The following VPS13B variants were observed in gnomAD, a reference collection of about 807,000 sequenced individuals.
The protein encoded by VPS13B is vacuolar protein sorting 13 homolog B.
Under a neutral mutation model 426.4 loss-of-function variants are expected in VPS13B, and 285 were observed. That is an observed-to-expected ratio of 0.67 (90% CI 0.61 to 0.74). The LOEUF is 0.74. Among genes scored for constraint, VPS13B ranks in the 30% least tolerant of loss-of-function variants. VPS13B has a pLI of 0.00. For missense variants in VPS13B, 4,537 were observed against 4,782.6 expected, an observed-to-expected ratio of 0.95 and a Z score of 1.51; for synonymous variants, 1,676 against 1,676.4, an observed-to-expected ratio of 1.00 and a Z score of 0.01.
intron 36 of VPS13B, among the ~76,000 whole-genome samples, chr8:99,715,651 A>G (rs968610652): frequency 1.3e-5 from 2 of 152,192 alleles, no homozygotes; most frequent in Non-Finnish European, 2.9e-5. Flanking sequence ...GATTACAAAC[A>G]GATAATTAGA....
chr8:99,772,494 A>G (rs1483312489), intron 40 of VPS13B, among the ~76,000 whole-genome samples: 3 of 152,066 alleles, frequency 2.0e-5, no homozygotes, highest in South Asian at 2.1e-4. Context: ...TTTAATGGAC[A>G]TGGAGTTTCA....
At chr8:99,485,189 C>T (rs1455979349) in intron 25 of VPS13B, among the ~76,000 whole-genome samples, 1 of 152,144 alleles carries the variant, frequency 6.6e-6, no homozygotes, top group African/African-American at 2.4e-5. Context: ...TTAATTTTCT[C>T]CTTAGCCCTA....
At chr8:99,868,073 A>C (rs1817194952) in intron 58 of VPS13B, 1 of 562,142 alleles carries the variant, frequency 1.8e-6, no homozygotes. Context: ...GACTGTGTGG[A>C]CCAAACTCCG....
intron 35 of VPS13B, 87 bp from the exon 36 acceptor site, chr8:99,699,438 C>T (rs1832178923): frequency 6.8e-7 from 1 of 1,468,216 alleles, no homozygotes; most frequent in Non-Finnish European, 9.4e-7. Flanking sequence ...TCTTGGGACA[C>T]TTTTATGTAG....
intron 15 of VPS13B, among the ~76,000 whole-genome samples, chr8:99,160,531 G>A (rs986610324): frequency 2.0e-4 from 30 of 150,882 alleles, no homozygotes; most frequent in Admixed American, 7.9e-4. Flanking sequence ...TTGTGGTTGC[G>A]TGCCAGCTAC....
At chr8:99,335,198 G>A (rs989007238) in intron 19 of VPS13B, among the ~76,000 whole-genome samples, 3 of 152,050 alleles carry the variant, frequency 2.0e-5, no homozygotes, top group Non-Finnish European at 4.4e-5. Flanking sequence ...GGGATCGGTG[G>A]TGATATCTCC....
intron 13 of VPS13B, among the ~76,000 whole-genome samples, chr8:99,146,443 A>T (rs561466767): frequency 2.5e-4 from 38 of 152,196 alleles, no homozygotes; most frequent in Non-Finnish European, 1.6e-4. Context: ...CTGTAACTCT[A>T]TGGTAAACCT....
rs1452688197 is a variant in VPS13B, at chr8:99,136,737, A to T, written c.1636A>T (p.Asn546Tyr). The T allele has an allele frequency of 1.2e-6, 2 of 1,613,558 alleles. No individual in the cohort carries two copies. The highest frequency in any genetic ancestry group is 3.3e-4 in the Middle Eastern group (2 of 6,058). Reference protein sequence around the residue: ...FYMDYLYTMENTSGKGSTNQQ... With the variant: ...FYMDYLYTMEYTSGKGSTNQQ... Reference sequence around the variant, plus strand: ...TATGGATTACCTGTATACAATGGAGAACACTAGTGGCAAAGGTATTGGCTT... The same window carrying T: ...TATGGATTACCTGTATACAATGGAGTACACTAGTGGCAAAGGTATTGGCTT... Residue 546 changes from asparagine to tyrosine, a missense_variant, in exon 12 of 62, where the codon AAC becomes TAC. Transcript: ENST00000357162.
intron 19 of VPS13B, among the ~76,000 whole-genome samples, chr8:99,308,371 T>G (rs536602179): frequency 1.3e-5 from 2 of 152,208 alleles, no homozygotes; most frequent in Non-Finnish European, 2.9e-5. Context: ...GATGTTCCCC[T>G]TCCTGTGTCC....
At chr8:99,839,194 A>G (rs1227289004) in intron 54 of VPS13B, among the ~76,000 whole-genome samples, 2 of 152,180 alleles carry the variant, frequency 1.3e-5, no homozygotes, top group South Asian at 2.1e-4. Context: ...GTAAATTCTC[A>G]TGATCTTTGA....
intron 39 of VPS13B, among the ~76,000 whole-genome samples, chr8:99,750,892 A>G (rs1810360073): frequency 6.6e-6 from 1 of 152,044 alleles, no homozygotes; most frequent in South Asian, 2.1e-4. Flanking sequence ...TGAAAGATGG[A>G]TGAGATTTCA....
chr8:99,122,694 G>C (rs572894903), intron 8 of VPS13B, among the ~76,000 whole-genome samples: 2 of 152,248 alleles, frequency 1.3e-5, no homozygotes, highest in South Asian at 4.1e-4. Context: ...CTGTGTCTAA[G>C]CATTGTTTTG....
intron 19 of VPS13B, among the ~76,000 whole-genome samples, chr8:99,318,888 A>G (rs563311981): frequency 6.6e-6 from 1 of 152,260 alleles, no homozygotes; most frequent in African/African-American, 2.4e-5. Context: ...TTTTAAGGCC[A>G]AAGAAAGTCT....
chr8:99,492,890 C>T (rs1268071243), intron 25 of VPS13B, among the ~76,000 whole-genome samples: 1 of 152,164 alleles, frequency 6.6e-6, no homozygotes, highest in Non-Finnish European at 1.5e-5. Context: ...TCCAACCAGT[C>T]CCAATGAGAA....
intron 4 of VPS13B, among the ~76,000 whole-genome samples, chr8:99,101,882 T>C (rs1846771456): frequency 6.6e-6 from 1 of 152,226 alleles, no homozygotes; most frequent in South Asian, 2.1e-4. Context: ...ACCATATGGT[T>C]ATTTCATGAA....
chr8:99,654,035 A>C (rs913595819), intron 34 of VPS13B, among the ~76,000 whole-genome samples: 3 of 148,576 alleles, frequency 2.0e-5, no homozygotes, highest in Non-Finnish European at 4.4e-5. Flanking sequence ...GATGATGATT[A>C]TTATTATTAT....
intron 8 of VPS13B, 152 bp from the exon 9 acceptor site, chr8:99,134,480 A>T: frequency 1.7e-6 from 1 of 597,284 alleles, no homozygotes; most frequent in Non-Finnish European, 3.0e-6. Flanking sequence ...ATAATCTGTT[A>T]CAGCTGTTTT....
intron 5 of VPS13B, among the ~76,000 whole-genome samples, chr8:99,106,434 C>CAAAA (rs71273163): frequency 2.4e-5 from 2 of 84,030 alleles, no homozygotes; most frequent in African/African-American, 1.0e-4. Context: ...GACTCCACCT[C>CAAAA]AAAAAAAAAA....
intron 43 of VPS13B, among the ~76,000 whole-genome samples, chr8:99,793,068 G>C (rs1433012175): frequency 6.6e-6 from 1 of 150,456 alleles, no homozygotes; most frequent in African/African-American, 2.4e-5. Context: ...ATTAGGCATG[G>C]TGGTGCACAC....
Sources: allele counts gnomAD v4.1 joint callset (sites outside exome capture counted in the v4.1 genomes callset), GRCh38; gene constraint gnomAD v4.1.1; transcripts MANE v1.5; gene names NCBI Gene and HGNC (gene_info 2026-07-23, HGNC 2026-07-21).